The following EPHA4 variants were observed in gnomAD, a reference collection of about 807,000 sequenced individuals.
EPHA4 encodes EPH receptor A4.
A neutral mutation model predicts 108.3 loss-of-function variants in EPHA4; 19 were observed. The ratio of observed to expected loss-of-function variants is 0.18; its 90% confidence interval spans 0.12 to 0.26. The LOEUF (loss-of-function observed/expected upper bound fraction) is 0.26. Among genes scored for constraint, EPHA4 ranks in the 10% least tolerant of loss-of-function variants. EPHA4 has a pLI of 1.00. For synonymous variants in EPHA4, 449 were observed against 455.5 expected (o/e 0.99, Z 0.18); for missense variants, 917 against 1,254.0 (o/e 0.73, Z 4.06).
chr2:221,424,086 C>T (rs1319914088), intron 17 of EPHA4, among the ~76,000 whole-genome samples: 1 of 151,788 alleles, frequency 6.6e-6, no homozygotes, highest in Non-Finnish European at 1.5e-5. Flanking sequence ...TGCACTCCAG[C>T]CTGGGCAACA....
At chr2:221,494,636 C>T (rs1692250952) in intron 4 of EPHA4, among the ~76,000 whole-genome samples, 1 of 152,066 alleles carries the variant, frequency 6.6e-6, no homozygotes, top group South Asian at 2.1e-4. Context: ...AAGAAAGTTA[C>T]TTTAAATATA....
At chr2:221,474,199 ATTTT>A (rs891495813) in intron 5 of EPHA4, among the ~76,000 whole-genome samples, 4 of 151,230 alleles carry the variant, frequency 2.6e-5, no homozygotes, top group Admixed American at 6.6e-5. Flanking sequence ...GCAGGCTTTT[ATTTT>A]TTTTTCTCCT....
intron 3 of EPHA4, among the ~76,000 whole-genome samples, chr2:221,528,071 A>C (rs1693394933): frequency 6.6e-6 from 1 of 151,676 alleles, no homozygotes; most frequent in African/African-American, 2.4e-5. Context: ...ACAGCAGACA[A>C]ACCTTATCTG....
At chr2:221,548,693 A>G (rs1158043907) in intron 3 of EPHA4, among the ~76,000 whole-genome samples, 1 of 152,198 alleles carries the variant, frequency 6.6e-6, no homozygotes, top group East Asian at 1.9e-4. Flanking sequence ...AGAAAGAGAG[A>G]TGGCTAGCTG....
Position 221,436,393 on chromosome 2 carries a change from T to C in EPHA4, c.2346+6A>G. The C allele has an allele frequency of 6.2e-7, 1 of 1,613,928 alleles. No homozygotes were observed. ...TGAAAGCCCAGATGTCACCGATCTT[T>C]CTTACCCTGGTGGTGTAAGCTGCTT... On this transcript the variant is annotated splice_donor_region_variant and intron_variant, in intron 13 of 17. Transcript: ENST00000281821.
chr2:221,568,687 C>A (rs1176779565), intron 2 of EPHA4, 31 bp downstream of exon 2: 3 of 1,588,502 alleles, frequency 1.9e-6, no homozygotes, highest in South Asian at 1.1e-5. Flanking sequence ...CCTTTTTTAC[C>A]CTTTGGATCA....
chr2:221,441,135 T>G (rs1230680172), intron 11 of EPHA4, among the ~76,000 whole-genome samples: 3 of 152,080 alleles, frequency 2.0e-5, no homozygotes, highest in African/African-American at 7.2e-5. Context: ...CTAAAGATTT[T>G]GTACTTTGTG....
intron 3 of EPHA4, among the ~76,000 whole-genome samples, chr2:221,506,467 G>A: frequency 6.6e-6 from 1 of 152,180 alleles, no homozygotes; most frequent in Non-Finnish European, 1.5e-5. Flanking sequence ...AAGGCACAAA[G>A]GTTAAGGGTT....
intron 2 of EPHA4, among the ~76,000 whole-genome samples, chr2:221,566,998 A>AAGAAGAAGAAGAAGAAGAAGG (rs1183029391): frequency 5.7e-5 from 8 of 140,344 alleles, no homozygotes; most frequent in Non-Finnish European, 1.2e-4. Context: ...GAAGAAGAAG[A>AAGAAGAAGAAGAAGAAGAAGG]AGAAGAAGAA....
chr2:221,568,538 T>A (rs1334943269), intron 2 of EPHA4, among the ~76,000 whole-genome samples, 180 bp downstream of exon 2: 1 of 152,202 alleles, frequency 6.6e-6, no homozygotes, highest in Non-Finnish European at 1.5e-5. Context: ...AGTTCTTCCA[T>A]GACAGAGTTA....
chr2:221,570,160 A>C (rs890041612), intron 1 of EPHA4, among the ~76,000 whole-genome samples: 4 of 152,124 alleles, frequency 2.6e-5, no homozygotes, highest in African/African-American at 9.7e-5. Flanking sequence ...AGGGTAAAAG[A>C]GAGAAAAGGA....
chr2:221,477,012 AGTGGCATTATAATGAG>A (rs1168695551), intron 5 of EPHA4, among the ~76,000 whole-genome samples: 4 of 151,962 alleles, frequency 2.6e-5, no homozygotes, highest in Non-Finnish European at 5.9e-5. Flanking sequence ...CATGTGGCAC[AGTGGCATTATAATGAG>A]GTGTAATGCC....
intron 8 of EPHA4, among the ~76,000 whole-genome samples, chr2:221,450,646 AATAT>A (rs753210277): frequency 6.6e-6 from 1 of 151,782 alleles, no homozygotes; most frequent in African/African-American, 2.4e-5. Context: ...TCCAGTACCT[AATAT>A]ATATATATAA....
intron 8 of EPHA4, among the ~76,000 whole-genome samples, chr2:221,450,460 T>G (rs1690744911): frequency 6.6e-6 from 1 of 152,248 alleles, no homozygotes; most frequent in South Asian, 2.1e-4. Context: ...CTTGAAGCTT[T>G]GGTTCCATAG....
rs1388271957 is a variant in EPHA4 at position 221,429,998 on chromosome 2, T to C, written c.2650A>G (p.Asn884Asp). The part of the protein sequence containing the change: ...IVNMLDKLIR[N>D]PNSLKRTGTE... Reference sequence around the variant, plus strand: ...CCTGTCCTCTTCAAGCTGTTGGGGTTGCGGATGAGTTTGTCCAACATGTTG... The same window carrying C: ...CCTGTCCTCTTCAAGCTGTTGGGGTCGCGGATGAGTTTGTCCAACATGTTG... Residue 884 changes from asparagine to aspartate, a missense_variant, in exon 15 of 18, where the codon AAC becomes GAC. Physicochemically the swap from Asn to Asp is conservative, Grantham distance 23. Coordinates refer to ENST00000281821, the MANE Select transcript of EPHA4 (RefSeq NM_004438.5). 6.2e-7 allele frequency: 1 copy of C among 1,614,118 alleles called. No individual in the cohort carries two copies. The highest frequency in any genetic ancestry group is 1.3e-5 in the African/African-American group (1 of 75,038).
intron 5 of EPHA4, among the ~76,000 whole-genome samples, chr2:221,468,680 A>G (rs577046702): frequency 6.6e-6 from 1 of 152,336 alleles, no homozygotes; most frequent in South Asian, 2.1e-4. Context: ...TTTACTTTTC[A>G]CACTCAGATT....
At chr2:221,495,682 A>C (rs545167641) in intron 4 of EPHA4, among the ~76,000 whole-genome samples, 2 of 152,186 alleles carry the variant, frequency 1.3e-5, no homozygotes, top group African/African-American at 2.4e-5. Flanking sequence ...GTTTACGATT[A>C]AATTCTCTTA....
chr2:221,436,322 AG>A (rs1690236250), intron 13 of EPHA4, 76 bp downstream of exon 13: 7 of 1,377,622 alleles, frequency 5.1e-6, no homozygotes, highest in Non-Finnish European at 7.0e-6. Flanking sequence ...AAAATTACAA[AG>A]GGCTTCAATC....
chr2:221,494,732 G>T (rs996781774), intron 4 of EPHA4, among the ~76,000 whole-genome samples: 1 of 152,176 alleles, frequency 6.6e-6, no homozygotes, highest in African/African-American at 2.4e-5. Context: ...AAGACCATCA[G>T]AAGTCTTCCT....
Sources: allele counts gnomAD v4.1 joint callset (sites outside exome capture counted in the v4.1 genomes callset), GRCh38; gene constraint gnomAD v4.1.1; transcripts MANE v1.5; gene names NCBI Gene and HGNC (gene_info 2026-07-23, HGNC 2026-07-21).